The following SCN10A variants were observed in gnomAD, a reference collection of about 807,000 sequenced individuals.
SCN10A encodes sodium voltage-gated channel alpha subunit 10.
SCN10A carries 162 observed loss-of-function variants against 170.7 expected under a neutral mutation model. The observed-to-expected ratio is 0.95, with a 90% CI of 0.84 to 1.08. The LOEUF is 1.08. Among genes scored for constraint, SCN10A ranks in the 50% least tolerant of loss-of-function variants. The pLI, the probability that SCN10A is intolerant of heterozygous loss-of-function variation, is 0.00. For missense variants in SCN10A, 2,527 were observed against 2,436.9 expected, an observed-to-expected ratio of 1.04 and a Z score of -0.78; for synonymous variants, 985 against 904.6, an observed-to-expected ratio of 1.09 and a Z score of -1.59.
In SCN10A at chr3:38,761,277, T is replaced by C. The variant is rs1429530587; in HGVS notation, c.798A>G (p.Gln266=). The change falls in exon 7 of 28, where the codon CAA becomes CAG. Residue 266 remains glutamine, a synonymous_variant. Coordinates refer to ENST00000449082, the MANE Select transcript of SCN10A (RefSeq NM_006514.4). ...TATTTTTGAGGTTGCCCTTGAAGAG[T>C]TGCAGCCCCACCAAGGCAAAAACAC... ...CLSVFALVGL[Q]LFKGNLKNKC... is the part of the protein sequence containing the mutation. 1 of 1,613,784 alleles carries C rather than the reference T, an allele frequency of 6.2e-7. No individual in the cohort carries two copies. Among genetic ancestry groups the C allele is most frequent in the Admixed American group, 1.7e-5 (1 of 59,994 alleles).
At chr3:38,727,536 CTG>C (rs1196047233) in intron 16 of SCN10A, among the ~76,000 whole-genome samples, 1 of 152,172 alleles carries the variant, frequency 6.6e-6, no homozygotes. Context: ...TGAGGGGCAT[CTG>C]TGGCTCTGCA....
At chr3:38,721,972 C>T (rs1342901587) in intron 20 of SCN10A, among the ~76,000 whole-genome samples, 1 of 152,202 alleles carries the variant, frequency 6.6e-6, no homozygotes, top group Non-Finnish European at 1.5e-5. Flanking sequence ...GCCTTTTAAA[C>T]ATTTTGAGTG....
At chr3:38,805,782 G>T (rs1378993802) in intron 1 of SCN10A, among the ~76,000 whole-genome samples, 1 of 152,140 alleles carries the variant, frequency 6.6e-6, no homozygotes, top group African/African-American at 2.4e-5. Flanking sequence ...ATAGCACTTA[G>T]CTACCTTTGA....
At chr3:38,736,648 T>C (rs1219482485) in intron 15 of SCN10A, among the ~76,000 whole-genome samples, 3 of 151,906 alleles carry the variant, frequency 2.0e-5, no homozygotes, top group African/African-American at 7.3e-5. Context: ...GAAAAGGTGA[T>C]TGAGTTTGTT....
At chr3:38,702,663 C>T (rs528274909) in intron 26 of SCN10A, among the ~76,000 whole-genome samples, 3 of 152,328 alleles carry the variant, frequency 2.0e-5, no homozygotes, top group South Asian at 2.1e-4. Flanking sequence ...TTAATTTGAG[C>T]TACTTTGCTG....
chr3:38,788,951 C>T lies in SCN10A; in HGVS notation c.470+5G>A, dbSNP rs748885768. On this transcript the variant is annotated splice_donor_5th_base_variant and intron_variant, in intron 4 of 27. Coordinates refer to ENST00000449082, the MANE Select transcript of SCN10A (RefSeq NM_006514.4). ...TGGTACAATAATGATAGCAAATCTA[C>T]TCACTCAATTTTCTCTGGAAGGTCA... is the stretch of plus-strand genomic sequence containing the variant. 3.4e-5 allele frequency: 52 copies of T among 1,549,750 alleles called. No homozygotes were observed. Among genetic ancestry groups the T allele is most frequent in the Non-Finnish European group, 4.6e-5 (52 of 1,121,898 alleles).
At chr3:38,758,474 G>C (rs2063833802) in intron 8 of SCN10A, among the ~76,000 whole-genome samples, 1 of 152,240 alleles carries the variant, frequency 6.6e-6, no homozygotes, top group Admixed American at 6.5e-5. Flanking sequence ...AAACTGCAAA[G>C]GAAAATTCCT....
intron 1 of SCN10A, among the ~76,000 whole-genome samples, chr3:38,800,766 T>C (rs2064366009): frequency 6.6e-6 from 1 of 152,082 alleles, no homozygotes. Flanking sequence ...GGAATTTGGT[T>C]ATTTCTGAGG....
chr3:38,733,910 G>A (rs1050453618), intron 15 of SCN10A, among the ~76,000 whole-genome samples: 2 of 152,046 alleles, frequency 1.3e-5, no homozygotes, highest in South Asian at 4.2e-4. Flanking sequence ...GGTAGAGATG[G>A]GTCTTCTCCA....
rs375904859 is a variant in SCN10A, at chr3:38,757,030, G to A, written c.1080C>T (p.Arg360=). ...FRLMTQDSWE[R]LYQQTLRTSG... Reference sequence around the variant, plus strand: ...TGCAGCTCAGTACCTGCTGGTAGAGGCGTTCCCAGGAATCCTGTGTCATGA... The same window carrying A: ...TGCAGCTCAGTACCTGCTGGTAGAGACGTTCCCAGGAATCCTGTGTCATGA... Residue 360 remains arginine (R), a synonymous_variant, in exon 9 of 28, where the codon CGC becomes CGT. Coordinates refer to ENST00000449082, the MANE Select transcript of SCN10A (RefSeq NM_006514.4). 3.7e-6 allele frequency: 6 copies of A among 1,610,778 alleles called. No homozygotes were observed. The highest frequency in any genetic ancestry group is 4.2e-6 in the Non-Finnish European group (5 of 1,178,518).
chr3:38,755,295 A>T (rs2063791276), intron 11 of SCN10A, among the ~76,000 whole-genome samples: 1 of 152,174 alleles, frequency 6.6e-6, no homozygotes, highest in South Asian at 2.1e-4. Context: ...ATCAGAAAAA[A>T]AAAAGGTGCA....
chr3:38,726,673 T>C lies in SCN10A; in HGVS notation c.3020A>G (p.Asp1007Gly), dbSNP rs199641736. 52 of 1,609,984 alleles carry C rather than the reference T, an allele frequency of 3.2e-5. No homozygotes were observed. In the Admixed American group the frequency reaches 3.3e-4, roughly 10 times the overall value. ...TTCCCCACCATCATCCTCCAAGTCA[T>C]CAAGATCAGATTCACCCTCAGCAAT... ...VPIAEGESDL[D>G]DLEDDGGEDA... Residue 1007 changes from aspartate to glycine, a missense_variant, in exon 17 of 28, where the codon GAT becomes GGT. Coordinates refer to ENST00000449082, the MANE Select transcript of SCN10A (RefSeq NM_006514.4).
chr3:38,723,311 G>T, intron 19 of SCN10A, 119 bp downstream of exon 19: 1 of 1,274,940 alleles, frequency 7.8e-7, no homozygotes, highest in Non-Finnish European at 1.1e-6. Flanking sequence ...AAGCCTGGGA[G>T]TGAGGCAGCA....
chr3:38,739,426 G>T, intron 15 of SCN10A, 89 bp downstream of exon 15: 1 of 1,198,120 alleles, frequency 8.3e-7, no homozygotes. Context: ...GGAGAGGAAG[G>T]GGGAGCTGGC....
chr3:38,707,265 C>A lies in SCN10A; in HGVS notation c.4386+14G>T, dbSNP rs751281512. On this transcript the variant is annotated intron_variant, in intron 26 of 27. Coordinates refer to ENST00000449082, the MANE Select transcript of SCN10A (RefSeq NM_006514.4). Reference sequence around the variant, plus strand: ...CACAGACAGGCTGTGCTAGAGGAAACCTCTGGGGCTCACCAGGGGCCGTGG... The same window carrying A: ...CACAGACAGGCTGTGCTAGAGGAAAACTCTGGGGCTCACCAGGGGCCGTGG... 3 of 1,613,278 alleles carry A rather than the reference C, an allele frequency of 1.9e-6. No homozygotes were observed. The highest frequency in any genetic ancestry group is 1.1e-5 in the South Asian group (1 of 91,000).
At chr3:38,809,182 T>C (rs1175573065) in intron 1 of SCN10A, among the ~76,000 whole-genome samples, 1 of 152,172 alleles carries the variant, frequency 6.6e-6, no homozygotes, top group Non-Finnish European at 1.5e-5. Context: ...CAGGACTGGG[T>C]TGGATCACAC....
At chr3:38,734,613 A>G (rs914738776) in intron 15 of SCN10A, among the ~76,000 whole-genome samples, 3 of 152,254 alleles carry the variant, frequency 2.0e-5, no homozygotes, top group Admixed American at 6.5e-5. Flanking sequence ...CAATACATGT[A>G]GAATAATTGT....
chr3:38,800,314 A>C (rs528754697), intron 1 of SCN10A, among the ~76,000 whole-genome samples: 1 of 152,310 alleles, frequency 6.6e-6, no homozygotes, highest in African/African-American at 2.4e-5. Flanking sequence ...AATTGGACTA[A>C]GATGCAGATT....
chr3:38,810,916 C>T lies in SCN10A; in HGVS notation c.-33+5121G>A, dbSNP rs183807556. On this transcript the variant is annotated intron_variant, in intron 1 of 27. Coordinates refer to ENST00000449082, the MANE Select transcript of SCN10A (RefSeq NM_006514.4). Reference sequence around the variant, plus strand: ...ATTTGATTGCATCTAAAGTTTGAGTCCTCTCAATTTTTTTCTACACATTTT... The same window carrying T: ...ATTTGATTGCATCTAAAGTTTGAGTTCTCTCAATTTTTTTCTACACATTTT... 3.3e-5 allele frequency among the ~76,000 whole-genome samples: 5 copies of T among 152,236 alleles called. No individual in the cohort carries two copies. In the East Asian group the frequency reaches 9.6e-4, roughly 29 times the overall value.
Sources: gnomAD v4.1 joint callset for allele counts (sites outside exome capture counted in the v4.1 genomes callset) on GRCh38, gnomAD v4.1.1 for gene constraint, MANE v1.5 for transcripts, NCBI Gene and HGNC (gene_info 2026-07-23, HGNC 2026-07-21) for gene names.